The following GNA14 variants were observed in gnomAD, a reference collection of about 807,000 sequenced individuals.
The protein encoded by GNA14 is G protein subunit alpha 14.
GNA14 carries 50 observed loss-of-function variants against 42.0 expected under a neutral mutation model. The observed-to-expected ratio is 1.19, with a 90% confidence interval of 0.95 to 1.51. The LOEUF (loss-of-function observed/expected upper bound fraction) is 1.51, where lower values mean the gene tolerates loss of function less well. Ranked by LOEUF, GNA14 falls within the 40% of genes most tolerant of loss-of-function variation. The probability of loss-of-function intolerance (pLI) is 0.00; values close to 1 mark genes in which losing one functional copy is unlikely to be tolerated. For synonymous variants in GNA14, 173 were observed against 163.1 expected (o/e 1.06, Z -0.46); for missense variants, 473 against 446.2 (o/e 1.06, Z -0.54).
chr9:77,502,145 C>T (rs1204686832), intron 2 of GNA14, among the ~76,000 whole-genome samples: 2 of 152,142 alleles, frequency 1.3e-5, no homozygotes, highest in African/African-American at 4.8e-5. Context: ...TTGTTCCTCT[C>T]TATATGTCTT....
At chr9:77,644,964 C>T (rs1824331018) in intron 1 of GNA14, among the ~76,000 whole-genome samples, 1 of 152,144 alleles carries the variant, frequency 6.6e-6, no homozygotes, top group South Asian at 2.1e-4. Context: ...TAAATTCAAC[C>T]ATCTCCTTTA....
rs764737417 is a variant in GNA14, at chr9:77,644,437, C to CAAAAAAAAAAAAAAAA, written c.124+3217_124+3232dup. On this transcript the variant is annotated intron_variant, in intron 1 of 6. Transcript: ENST00000341700. ...TACTGAACTCCAACCTAAAGAGTGTCAAAAAAAAAAAAAAAAAAAAAAAAA... is the reference window on the plus strand; with the variant it reads ...TACTGAACTCCAACCTAAAGAGTGTCAAAAAAAAAAAAAAAAAAAAAAAAAAAAAAAAAAAAAAAAA... Among the ~76,000 whole-genome samples the CAAAAAAAAAAAAAAAA allele has an allele frequency of 1.0e-3, 34 of 34,020 alleles. 4 individuals are homozygous for CAAAAAAAAAAAAAAAA. Among genetic ancestry groups the CAAAAAAAAAAAAAAAA allele is most frequent in the East Asian group, 5.2e-3 (4 of 776 alleles). 22.3% of individuals were successfully genotyped at this position (34,020 alleles called of 152,430 possible). A position where few individuals can be genotyped will look rare whatever the true frequency, so the allele number is the denominator to read the frequency against.
At chr9:77,484,729 A>G (rs1026503262) in intron 2 of GNA14, among the ~76,000 whole-genome samples, 2 of 152,166 alleles carry the variant, frequency 1.3e-5, no homozygotes, top group South Asian at 2.1e-4. Flanking sequence ...CCTCAGAGAC[A>G]TTATGAATTT....
At chr9:77,505,925 G>C (rs1466703550) in intron 2 of GNA14, among the ~76,000 whole-genome samples, 1 of 152,054 alleles carries the variant, frequency 6.6e-6, no homozygotes, top group Non-Finnish European at 1.5e-5. Flanking sequence ...AGAAATATGA[G>C]AGCCACTTAT....
intron 1 of GNA14, among the ~76,000 whole-genome samples, chr9:77,549,032 T>C (rs1050851651): frequency 7.2e-5 from 11 of 152,138 alleles, no homozygotes; most frequent in Admixed American, 2.6e-4. Context: ...CTCCGTCTCC[T>C]GGGTTCAAGC....
At chr9:77,568,220 G>T (rs567337547) in intron 1 of GNA14, among the ~76,000 whole-genome samples, 1 of 152,270 alleles carries the variant, frequency 6.6e-6, no homozygotes, top group South Asian at 2.1e-4. Flanking sequence ...TGAGGCCGAG[G>T]TGGGGGGATC....
chr9:77,519,357 G>A (rs1363891868), intron 2 of GNA14, among the ~76,000 whole-genome samples: 1 of 151,848 alleles, frequency 6.6e-6, no homozygotes, highest in Non-Finnish European at 1.5e-5. Context: ...GTTGCAGTGA[G>A]CCGAGATTGC....
chr9:77,519,023 T>C (rs145141694), intron 2 of GNA14, among the ~76,000 whole-genome samples: 227 of 152,318 alleles, frequency 1.5e-3, no homozygotes, highest in Middle Eastern at 3.4e-3. Flanking sequence ...CCTGAAAACA[T>C]TGTGGCTGTC....
In GNA14 at chr9:77,564,417, C is replaced by G. The variant is rs773286103; in HGVS notation, c.125-35164G>C. The stretch of plus-strand genomic sequence containing the variant: ...TCCCTGGTGGTTCTGAGGCACTGCC[C>G]AGGATGAGAACCATTGATACCCAGA... On this transcript the variant is annotated intron_variant, in intron 1 of 6. Transcript: ENST00000341700. Among the ~76,000 whole-genome samples the G allele has an allele frequency of 2.0e-5, 3 of 152,074 alleles. No homozygotes were observed. In the South Asian group the frequency reaches 6.2e-4, roughly 32 times the overall value.
chr9:77,445,518 C>A (rs1237335940), intron 2 of GNA14, among the ~76,000 whole-genome samples: 4 of 147,262 alleles, frequency 2.7e-5, no homozygotes, highest in Middle Eastern at 3.6e-3. Flanking sequence ...TCCAAGACCA[C>A]CCTGGGCCGC....
chr9:77,584,742 TC>T (rs1332365588), intron 1 of GNA14, among the ~76,000 whole-genome samples: 1 of 152,210 alleles, frequency 6.6e-6, no homozygotes, highest in Non-Finnish European at 1.5e-5. Context: ...GAATGGCTAC[TC>T]CATAGACAGA....
intron 1 of GNA14, among the ~76,000 whole-genome samples, chr9:77,608,330 T>G (rs1205937467): frequency 6.6e-6 from 1 of 152,160 alleles, no homozygotes; most frequent in Non-Finnish European, 1.5e-5. Context: ...GGTTCACAGA[T>G]GGAGAGGAAT....
In GNA14 at chr9:77,618,672, C is replaced by T. The variant is rs1316076289; in HGVS notation, c.124+28998G>A. Among the ~76,000 whole-genome samples the T allele has an allele frequency of 3.3e-3, 340 of 102,916 alleles. 2 individuals are homozygous for T. Among genetic ancestry groups the T allele is most frequent in the African/African-American group, 0.013 (317 of 24,790 alleles). 67.5% of individuals were successfully genotyped at this position (102,916 alleles called of 152,430 possible). A position where few individuals can be genotyped will look rare whatever the true frequency, so the allele number is the denominator to read the frequency against. On this transcript the variant is annotated intron_variant, in intron 1 of 6. Transcript: ENST00000341700. ...TTTTTGAGACGGAGTCTCGCTCTGT[C>T]GCCCAGGCTGGAGTGCAGTGGCGGG...
intron 1 of GNA14, among the ~76,000 whole-genome samples, chr9:77,575,177 C>G (rs1245878744): frequency 6.6e-6 from 1 of 152,208 alleles, no homozygotes; most frequent in Admixed American, 6.5e-5. Context: ...GACTTCATAT[C>G]TGGCTAGAAT....
intron 1 of GNA14, among the ~76,000 whole-genome samples, chr9:77,579,015 G>A (rs1823173718): frequency 6.6e-6 from 1 of 152,178 alleles, no homozygotes; most frequent in South Asian, 2.1e-4. Flanking sequence ...CTGGGCCACT[G>A]CCTCTGCTCT....
At chr9:77,629,032 G>T (rs375430083) in intron 1 of GNA14, among the ~76,000 whole-genome samples, 1 of 151,544 alleles carries the variant, frequency 6.6e-6, no homozygotes, top group African/African-American at 2.4e-5. Context: ...GAATTTAAAC[G>T]AATTTACAAG....
At chr9:77,449,765 A>G (rs1835874674) in intron 2 of GNA14, among the ~76,000 whole-genome samples, 1 of 152,248 alleles carries the variant, frequency 6.6e-6, no homozygotes, top group South Asian at 2.1e-4. Context: ...CATTAGTTTA[A>G]CACCAGCTAG....
intron 2 of GNA14, among the ~76,000 whole-genome samples, chr9:77,497,578 A>G (rs979691774): frequency 2.6e-5 from 4 of 152,182 alleles, no homozygotes; most frequent in Non-Finnish European, 5.9e-5. Context: ...TGTAATAATT[A>G]CTGACTGATG....
intron 2 of GNA14, among the ~76,000 whole-genome samples, chr9:77,520,658 G>A (rs1017409665): frequency 9.9e-5 from 15 of 152,178 alleles, no homozygotes; most frequent in South Asian, 8.3e-4. Context: ...CTCCGCCTCC[G>A]GGGTTCAAGA....
Sources: allele counts gnomAD v4.1 joint callset (sites outside exome capture counted in the v4.1 genomes callset), GRCh38; gene constraint gnomAD v4.1.1; transcripts MANE v1.5; gene names NCBI Gene and HGNC (gene_info 2026-07-23, HGNC 2026-07-21).